The following HDAC9 variants were observed in gnomAD, a reference collection of about 807,000 sequenced individuals.
HDAC9 encodes histone deacetylase 9.
A neutral mutation model predicts 139.4 loss-of-function variants in HDAC9; 41 were observed. The ratio of observed to expected loss-of-function variants is 0.29; its 90% CI spans 0.23 to 0.38. The LOEUF is 0.38. HDAC9 is among the 10% of genes least tolerant of loss of function. The probability of loss-of-function intolerance (pLI) is 1.00; values close to 1 mark genes in which losing one functional copy is unlikely to be tolerated. For missense variants in HDAC9, 1,147 were observed against 1,297.0 expected (o/e 0.88, Z 1.78); for synonymous variants, 517 against 476.2 (o/e 1.09, Z -1.12).
chr7:18,247,636 C>T (rs934378494), intron 2 of HDAC9, among the ~76,000 whole-genome samples: 3 of 152,132 alleles, frequency 2.0e-5, no homozygotes, highest in African/African-American at 7.2e-5. Flanking sequence ...CGGTGCCTCA[C>T]CTTCACTAGA....
chr7:18,206,049 A>ATGAAT (rs1791488591), intron 2 of HDAC9, among the ~76,000 whole-genome samples: 1 of 152,144 alleles, frequency 6.6e-6, no homozygotes, highest in Non-Finnish European at 1.5e-5. Flanking sequence ...AATTTTGAAT[A>ATGAAT]GTTGCTTTTG....
At chr7:18,563,220 T>C (rs539605778) in intron 2 of HDAC9, among the ~76,000 whole-genome samples, 1 of 152,330 alleles carries the variant, frequency 6.6e-6, no homozygotes, top group South Asian at 2.1e-4. Context: ...GTAATAGTGC[T>C]ATTATAATCT....
intron 8 of HDAC9, among the ~76,000 whole-genome samples, chr7:18,638,129 C>G (rs1308937789): frequency 6.6e-6 from 1 of 152,022 alleles, no homozygotes; most frequent in African/African-American, 2.4e-5. Flanking sequence ...ACTGTTTTTG[C>G]TTAAGCAACA....
intron 24 of HDAC9, among the ~76,000 whole-genome samples, chr7:18,971,264 T>C (rs1325072238): frequency 6.6e-6 from 1 of 152,184 alleles, no homozygotes; most frequent in Non-Finnish European, 1.5e-5. Context: ...ATTTACATAG[T>C]GGGAAAAATG....
chr7:18,842,138 T>C (rs80029535), intron 21 of HDAC9, among the ~76,000 whole-genome samples: 1,845 of 152,248 alleles, frequency 0.012, 23 homozygotes, highest in Non-Finnish European at 0.019. Flanking sequence ...ATGAGAGCTG[T>C]GGTTGATGCT....
At chr7:18,966,214 G>C (rs919420665) in intron 24 of HDAC9, among the ~76,000 whole-genome samples, 1 of 152,114 alleles carries the variant, frequency 6.6e-6, no homozygotes, top group Non-Finnish European at 1.5e-5. Flanking sequence ...CTCTTTTCCT[G>C]GTCCTTTTGT....
intron 13 of HDAC9, among the ~76,000 whole-genome samples, chr7:18,748,298 G>A (rs1009887795): frequency 5.3e-5 from 8 of 152,152 alleles, no homozygotes; most frequent in African/African-American, 1.9e-4. Flanking sequence ...TAATTTAAAA[G>A]AAGATTGTAT....
chr7:18,494,019 C>A (rs1796564072), upstream of HDAC9, among the ~76,000 whole-genome samples: 1 of 151,938 alleles, frequency 6.6e-6, no homozygotes, highest in Admixed American at 6.6e-5. Flanking sequence ...ATTATTAGGT[C>A]CACACTGTTT....
At chr7:18,784,495 C>CAAAACAA (rs545436260) in intron 16 of HDAC9, among the ~76,000 whole-genome samples, 15 of 150,186 alleles carry the variant, frequency 1.0e-4, no homozygotes, top group Non-Finnish European at 1.8e-4. Context: ...AATAAGAGGA[C>CAAAACAA]AAAACAAAAA....
chr7:18,677,083 TTA>T (rs1268312018), intron 12 of HDAC9, among the ~76,000 whole-genome samples: 1 of 151,854 alleles, frequency 6.6e-6, no homozygotes, highest in Non-Finnish European at 1.5e-5. Context: ...TAGAGAATAT[TTA>T]TGTCATTCCA....
At chr7:18,160,020 G>C (rs1392956007) in intron 1 of HDAC9, among the ~76,000 whole-genome samples, 3 of 152,198 alleles carry the variant, frequency 2.0e-5, no homozygotes, top group Non-Finnish European at 2.9e-5. Flanking sequence ...GCATGTCATG[G>C]AGAGTTGTTG....
At chr7:18,949,137 G>T in intron 23 of HDAC9, 1 of 287,354 alleles carries the variant, frequency 3.5e-6, no homozygotes, top group Admixed American at 4.3e-5. Flanking sequence ...TGATGTTGAT[G>T]GTTTTGAGTC....
intron 25 of HDAC9, among the ~76,000 whole-genome samples, chr7:18,990,198 G>T (rs917580699): frequency 2.0e-5 from 3 of 152,038 alleles, no homozygotes; most frequent in African/African-American, 7.2e-5. Context: ...TCTACTTTTG[G>T]TCTTTGATGA....
chr7:18,429,657 G>C (rs1790457196), intron 1 of HDAC9, among the ~76,000 whole-genome samples: 1 of 152,006 alleles, frequency 6.6e-6, no homozygotes, highest in South Asian at 2.1e-4. Flanking sequence ...CGTGTTTTTG[G>C]TAAAATTTTT....
At chr7:18,223,210 C>G (rs921233761) in intron 2 of HDAC9, among the ~76,000 whole-genome samples, 4 of 151,932 alleles carry the variant, frequency 2.6e-5, no homozygotes, top group African/African-American at 9.7e-5. Flanking sequence ...ATTTAAAGAG[C>G]TTTTAATATA....
At chr7:18,186,502 C>A (rs570412258) in intron 2 of HDAC9, among the ~76,000 whole-genome samples, 1 of 152,198 alleles carries the variant, frequency 6.6e-6, no homozygotes, top group Admixed American at 6.5e-5. Flanking sequence ...CCATAAGACT[C>A]TGCCCCACTC....
intron 1 of HDAC9, among the ~76,000 whole-genome samples, chr7:18,126,947 T>G (rs1784710928): frequency 6.6e-6 from 1 of 152,280 alleles, no homozygotes; most frequent in Admixed American, 6.5e-5. Context: ...CCAAGTTAGC[T>G]CCAGACAAAA....
chr7:18,697,467 C>A (rs1472468936), intron 12 of HDAC9, among the ~76,000 whole-genome samples: 1 of 152,172 alleles, frequency 6.6e-6, no homozygotes, highest in Non-Finnish European at 1.5e-5. Context: ...ATCTCTCTTT[C>A]TTTGTCTCTC....
At position 18,648,470 on chromosome 7, in the gene HDAC9, A is replaced by T; in HGVS notation, c.1254A>T (p.Gly418=). 1 of 1,608,828 alleles carries T rather than the reference A, an allele frequency of 6.2e-7. No homozygotes were observed. Among genetic ancestry groups the T allele is most frequent in the Non-Finnish European group, 8.5e-7 (1 of 1,178,232 alleles). Residue 418 remains glycine, a synonymous_variant, in exon 11 of 26, where the codon GGA becomes GGT. Transcript: ENST00000686413. ...MRQQKLLVAG[G]VPLHPQSPLA... ...TACATGTATTTTTTTTTTCAGGTGG[A>T]GTTCCCTTACATCCTCAGTCTCCCT...
Sources: allele counts gnomAD v4.1 joint callset (sites outside exome capture counted in the v4.1 genomes callset), GRCh38; gene constraint gnomAD v4.1.1; transcripts MANE v1.5; gene names NCBI Gene and HGNC (gene_info 2026-07-23, HGNC 2026-07-21).